Variants in CRPPA observed in about 807,000 individuals in gnomAD.
The protein encoded by CRPPA is CDP-L-ribitol pyrophosphorylase A.
In CRPPA, 43 loss-of-function variants were observed where a neutral mutation model predicts 52.0. The observed-to-expected ratio is 0.83, with a 90% CI of 0.65 to 1.07. The LOEUF (loss-of-function observed/expected upper bound fraction) is 1.07, where lower values mean the gene tolerates loss of function less well. Among genes scored for constraint, CRPPA ranks in the 50% least tolerant of loss-of-function variants. CRPPA has a pLI of 0.00. For synonymous variants in CRPPA, 250 were observed against 203.5 expected (o/e 1.23, Z -1.94); for missense variants, 629 against 551.7 (o/e 1.14, Z -1.40).
chr7:16,355,982 C>G (rs1207246236), intron 3 of CRPPA, among the ~76,000 whole-genome samples: 1 of 151,726 alleles, frequency 6.6e-6, no homozygotes, highest in African/African-American at 2.4e-5. Flanking sequence ...ATAGTAGTGA[C>G]AATACCTTTT....
chr7:16,129,741 G>C (rs1010130877), intron 9 of CRPPA, among the ~76,000 whole-genome samples: 2 of 152,124 alleles, frequency 1.3e-5, no homozygotes, highest in Non-Finnish European at 2.9e-5. Context: ...TCGGTTTCTG[G>C]AACTATTTGT....
chr7:16,395,864 G>A (rs965028433), intron 2 of CRPPA, among the ~76,000 whole-genome samples: 16 of 152,090 alleles, frequency 1.1e-4, no homozygotes, highest in Admixed American at 9.8e-4. Context: ...TTCATAGAAC[G>A]GAAACATAGA....
At chr7:16,237,364 G>A (rs1782981604) in intron 8 of CRPPA, 1 of 152,042 alleles carries the variant, frequency 6.6e-6, no homozygotes, top group African/African-American at 2.4e-5. Flanking sequence ...TACTCATGAG[G>A]GCCGTCTTCC....
chr7:16,290,282 G>A (rs1458614081), intron 5 of CRPPA, among the ~76,000 whole-genome samples: 2 of 150,728 alleles, frequency 1.3e-5, no homozygotes, highest in African/African-American at 4.9e-5. Context: ...ATCCTTCACA[G>A]AAATAGAAAA....
chr7:16,280,075 T>G (rs1043935069), intron 5 of CRPPA, among the ~76,000 whole-genome samples: 2 of 152,178 alleles, frequency 1.3e-5, no homozygotes, highest in South Asian at 2.1e-4. Context: ...CTCACTATCA[T>G]GAGAACAGCA....
chr7:16,205,382 C>A (rs980023820), intron 9 of CRPPA, among the ~76,000 whole-genome samples: 2 of 152,110 alleles, frequency 1.3e-5, no homozygotes, highest in South Asian at 2.1e-4. Context: ...ATAGAAGGTA[C>A]AACTGTAAAA....
At chr7:16,135,481 T>C (rs946877939) in intron 9 of CRPPA, among the ~76,000 whole-genome samples, 2 of 152,152 alleles carry the variant, frequency 1.3e-5, no homozygotes, top group Non-Finnish European at 2.9e-5. Context: ...CCACCAGAAA[T>C]AATTCTTCAA....
At chr7:16,234,457 A>C (rs1050179036) in intron 8 of CRPPA, among the ~76,000 whole-genome samples, 1 of 152,174 alleles carries the variant, frequency 6.6e-6, no homozygotes, top group South Asian at 2.1e-4. Context: ...TTTTTCTAAA[A>C]GGCAAAATGA....
chr7:16,289,026 A>G (rs1196404215), intron 5 of CRPPA, among the ~76,000 whole-genome samples: 1 of 152,072 alleles, frequency 6.6e-6, no homozygotes, highest in Non-Finnish European at 1.5e-5. Flanking sequence ...AGGAGACATT[A>G]TAACTGATAC....
intron 3 of CRPPA, among the ~76,000 whole-genome samples, chr7:16,354,037 A>G (rs1284163184): frequency 6.6e-6 from 1 of 152,062 alleles, no homozygotes; most frequent in African/African-American, 2.4e-5. Context: ...AAGCAGCTAT[A>G]CCATAAAAAA....
At chr7:16,275,982 G>T (rs527887321) in intron 6 of CRPPA, among the ~76,000 whole-genome samples, 1 of 151,754 alleles carries the variant, frequency 6.6e-6, no homozygotes, top group African/African-American at 2.4e-5. Flanking sequence ...TAAGCTAAAA[G>T]AAATTAAGAA....
At chr7:16,417,365 C>A (rs1788218548) in intron 1 of CRPPA, among the ~76,000 whole-genome samples, 1 of 152,150 alleles carries the variant, frequency 6.6e-6, no homozygotes, top group Non-Finnish European at 1.5e-5. Flanking sequence ...GTGCTATTCA[C>A]AATAGCAAAC....
intron 6 of CRPPA, 22 bp downstream of exon 6, chr7:16,278,107 A>T: frequency 7.8e-7 from 1 of 1,278,756 alleles, no homozygotes. Flanking sequence ...AAGTTTATCA[A>T]ACTCAGTCTT....
intron 2 of CRPPA, among the ~76,000 whole-genome samples, chr7:16,377,832 C>A (rs1786936019): frequency 6.6e-6 from 1 of 152,168 alleles, no homozygotes; most frequent in Non-Finnish European, 1.5e-5. Flanking sequence ...CACTATGGCA[C>A]AGAGGCTAAA....
chr7:16,124,108 TTTTTTTA>T (rs1216668245), intron 9 of CRPPA, among the ~76,000 whole-genome samples: 2 of 15,098 alleles, frequency 1.3e-4, no homozygotes. Flanking sequence ...AATTTCTTTC[TTTTTTTA>T]TTTTTTTTTT....
chr7:16,409,713 T>C (rs1308616639), intron 1 of CRPPA, among the ~76,000 whole-genome samples: 1 of 152,264 alleles, frequency 6.6e-6, no homozygotes, highest in Non-Finnish European at 1.5e-5. Flanking sequence ...CGATCTCTCA[T>C]ACAAGAGACA....
chr7:16,093,929 A>C (rs1781887207), intron 9 of CRPPA, among the ~76,000 whole-genome samples: 1 of 152,168 alleles, frequency 6.6e-6, no homozygotes, highest in South Asian at 2.1e-4. Context: ...TCTTTCAAAA[A>C]TAAACAGAAC....
chr7:16,097,604 A>C (rs1401660451), intron 9 of CRPPA, among the ~76,000 whole-genome samples: 1 of 152,160 alleles, frequency 6.6e-6, no homozygotes, highest in African/African-American at 2.4e-5. Flanking sequence ...ATAAAGTCCC[A>C]CATGCCAGTC....
chr7:16,136,458 TC>T (rs1225545611), intron 9 of CRPPA, among the ~76,000 whole-genome samples: 1 of 152,206 alleles, frequency 6.6e-6, no homozygotes, highest in African/African-American at 2.4e-5. Flanking sequence ...TACAATCAGT[TC>T]CATCTGAATT....
Sources: allele counts gnomAD v4.1 joint callset (sites outside exome capture counted in the v4.1 genomes callset), GRCh38; gene constraint gnomAD v4.1.1; transcripts MANE v1.5; gene names NCBI Gene and HGNC (gene_info 2026-07-23, HGNC 2026-07-21).